The following GALNTL6 variants were observed in gnomAD, a reference collection of about 807,000 sequenced individuals.
The protein encoded by GALNTL6 is polypeptide N-acetylgalactosaminyltransferase like 6.
In GALNTL6, 46 loss-of-function variants were observed where a neutral mutation model predicts 73.7. That is an observed-to-expected ratio of 0.62 (90% CI 0.49 to 0.80). The LOEUF (loss-of-function observed/expected upper bound fraction) is 0.80, where lower values mean the gene tolerates loss of function less well. Among genes scored for constraint, GALNTL6 ranks in the 30% least tolerant of loss-of-function variants. The pLI is 0.00. For synonymous variants in GALNTL6, 259 were observed against 263.7 expected, an observed-to-expected ratio of 0.98 and a Z score of 0.17; for missense variants, 604 against 755.0, an observed-to-expected ratio of 0.80 and a Z score of 2.34.
intron 5 of GALNTL6, among the ~76,000 whole-genome samples, chr4:172,545,477 G>A (rs527639530): frequency 3.9e-5 from 6 of 152,132 alleles, no homozygotes; most frequent in African/African-American, 9.7e-5. Flanking sequence ...ATTAACCACC[G>A]TGGTTCTGTT....
chr4:172,285,778 A>G (rs1187860016), intron 3 of GALNTL6, among the ~76,000 whole-genome samples: 2 of 152,056 alleles, frequency 1.3e-5, no homozygotes, highest in African/African-American at 2.4e-5. Context: ...TCCATCTGTG[A>G]TTGTAGACAC....
intron 2 of GALNTL6, among the ~76,000 whole-genome samples, chr4:172,147,877 C>T (rs1043823384): frequency 6.6e-6 from 1 of 152,120 alleles, no homozygotes; most frequent in Non-Finnish European, 1.5e-5. Flanking sequence ...AGCAATTTTA[C>T]TCCATGCTTC....
chr4:171,934,749 T>C (rs1318229904), intron 2 of GALNTL6, among the ~76,000 whole-genome samples: 4 of 152,170 alleles, frequency 2.6e-5, no homozygotes, highest in African/African-American at 7.2e-5. Context: ...ACTAACGAAG[T>C]GGTTCATTTG....
intron 5 of GALNTL6, among the ~76,000 whole-genome samples, chr4:172,621,914 T>C (rs939083002): frequency 2.0e-5 from 3 of 152,154 alleles, no homozygotes; most frequent in African/African-American, 7.2e-5. Flanking sequence ...CAAGGTTTGC[T>C]TGGATGTGTG....
At chr4:172,170,406 A>G (rs1189997648) in intron 2 of GALNTL6, among the ~76,000 whole-genome samples, 3 of 151,582 alleles carry the variant, frequency 2.0e-5, no homozygotes, top group South Asian at 2.1e-4. Flanking sequence ...ACCTTTCGCC[A>G]TGATTGTAAG....
At position 172,042,864 on chromosome 4, in the gene GALNTL6, T is replaced by TAAAAAAA. The variant is rs397996272; in HGVS notation, c.139-186771_139-186765dup. ...GTTCTATCCGAGCAATCTTTAACAG[T>TAAAAAAA]AAAAAAAAAAAAAAAAAAAAAAAAA... On this transcript the variant is annotated intron_variant, in intron 2 of 12. Coordinates refer to ENST00000506823, the MANE Select transcript of GALNTL6 (RefSeq NM_001034845.3). 1.8e-3 allele frequency among the ~76,000 whole-genome samples: 80 copies of TAAAAAAA among 44,402 alleles called. 8 individuals are homozygous for TAAAAAAA. The highest frequency in any genetic ancestry group is 7.9e-3 in the South Asian group (4 of 508). The allele number at this position is 44,402 out of a possible 152,430, so 29.1% of individuals were successfully genotyped here.
intron 2 of GALNTL6, among the ~76,000 whole-genome samples, chr4:172,159,217 A>G (rs1411325453): frequency 6.6e-6 from 1 of 152,108 alleles, no homozygotes; most frequent in East Asian, 1.9e-4. Flanking sequence ...ACCCTCTTGA[A>G]GAGATACTCT....
chr4:172,109,988 G>A (rs1226506436), intron 2 of GALNTL6, among the ~76,000 whole-genome samples: 2 of 152,186 alleles, frequency 1.3e-5, no homozygotes, highest in African/African-American at 4.8e-5. Flanking sequence ...CAAATAAAGA[G>A]AATGATGAAA....
intron 2 of GALNTL6, among the ~76,000 whole-genome samples, chr4:172,029,433 C>T (rs1216601982): frequency 2.0e-5 from 3 of 152,138 alleles, no homozygotes; most frequent in Middle Eastern, 3.4e-3. Context: ...ATGTGGCTGA[C>T]ACTATCGAAT....
At chr4:172,736,520 C>A (rs1736471241) in intron 5 of GALNTL6, among the ~76,000 whole-genome samples, 1 of 152,132 alleles carries the variant, frequency 6.6e-6, no homozygotes, top group Non-Finnish European at 1.5e-5. Context: ...GCTTTACAAA[C>A]AATTTGTGCA....
At chr4:171,867,326 A>G (rs1028030621) in intron 2 of GALNTL6, among the ~76,000 whole-genome samples, 1 of 152,166 alleles carries the variant, frequency 6.6e-6, no homozygotes, top group Non-Finnish European at 1.5e-5. Flanking sequence ...TGTATAATAA[A>G]TGTATTAAAA....
In GALNTL6 at chr4:172,631,726, C is replaced by T. The variant is rs140373302; in HGVS notation, c.554-177635C>T. On this transcript the variant is annotated intron_variant, in intron 5 of 12. Coordinates refer to ENST00000506823, the MANE Select transcript of GALNTL6 (RefSeq NM_001034845.3). ...GATTTGCTTTCAAGATTCCCTCCAG[C>T]GGGTTCTGTTTTTGTTGTTTTGCCA... 9.3e-4 allele frequency among the ~76,000 whole-genome samples: 142 copies of T among 152,206 alleles called. 1 individual carries two copies. The highest frequency in any genetic ancestry group is 3.1e-3 in the African/African-American group (128 of 41,540).
Position 172,758,261 on chromosome 4 carries a change from G to A in GALNTL6, c.554-51100G>A, listed in dbSNP as rs538834170. 2.6e-5 allele frequency among the ~76,000 whole-genome samples: 4 copies of A among 152,288 alleles called. No homozygotes were observed. The South Asian group carries it at 8.3e-4, about 32-fold the overall frequency. On this transcript the variant is annotated intron_variant, in intron 5 of 12. Transcript: ENST00000506823. ...ATAGTAATTTTCATTCAGGCCAGGT[G>A]CGGTGGCTCATGCCCATAATCCCAG...
chr4:172,079,031 G>T (rs1373381385), intron 2 of GALNTL6, among the ~76,000 whole-genome samples: 1 of 151,880 alleles, frequency 6.6e-6, no homozygotes, highest in African/African-American at 2.4e-5. Flanking sequence ...ATGCACACAT[G>T]TATGCATGCA....
At position 172,069,651 on chromosome 4, in the gene GALNTL6, A is replaced by AT. The variant is rs1731496344; in HGVS notation, c.139-160005_139-160004insT. Among the ~76,000 whole-genome samples, 6 of 94,550 alleles carry AT rather than the reference A, an allele frequency of 6.3e-5. 3 individuals carry two copies. Among genetic ancestry groups the AT allele is most frequent in the African/African-American group, 9.1e-5 (2 of 21,934 alleles). The allele number at this position is 94,550 out of a possible 152,430, so 62.0% of individuals were successfully genotyped here. A position where few individuals can be genotyped will look rare whatever the true frequency, so the allele number is the denominator to read the frequency against. Reference sequence around the variant, plus strand: ...ATATATCCTAAATTTCCTCATACATAGTATCTGACAACATATGTGTAATTT... The same window carrying AT: ...ATATATCCTAAATTTCCTCATACATATGTATCTGACAACATATGTGTAATTT... On this transcript the variant is annotated intron_variant, in intron 2 of 12. Transcript: ENST00000506823.
At chr4:172,831,074 C>T (rs1742602204) in intron 7 of GALNTL6, among the ~76,000 whole-genome samples, 1 of 128,420 alleles carries the variant, frequency 7.8e-6, no homozygotes, top group South Asian at 2.5e-4. Context: ...CAAGAGAAAG[C>T]TTGAACCCAG....
At chr4:172,049,395 C>T (rs1376829940) in intron 2 of GALNTL6, among the ~76,000 whole-genome samples, 1 of 152,142 alleles carries the variant, frequency 6.6e-6, no homozygotes, top group Non-Finnish European at 1.5e-5. Context: ...CTCCTGCCCA[C>T]ATGCCATTAG....
rs529485815 is a variant in GALNTL6, at chr4:172,893,346, G to T, written c.1041+10439G>T. The stretch of plus-strand genomic sequence containing the variant: ...CTCTTCTAAGTGTTCTGAGAGTGGC[G>T]GGGGGGGGGTCTTCCCCTTCTCAAA... On this transcript the variant is annotated intron_variant, in intron 8 of 12. Coordinates refer to ENST00000506823, the MANE Select transcript of GALNTL6 (RefSeq NM_001034845.3). Among the ~76,000 whole-genome samples, 355 of 98,136 alleles carry T rather than the reference G, an allele frequency of 3.6e-3. 3 individuals carry two copies. The highest frequency in any genetic ancestry group is 0.014 in the African/African-American group (337 of 24,806). The allele number at this position is 98,136 out of a possible 152,430, so 64.4% of individuals were successfully genotyped here. A position where few individuals can be genotyped will look rare whatever the true frequency, so the allele number is the denominator to read the frequency against.
At chr4:172,674,270 T>C (rs561348225) in intron 5 of GALNTL6, among the ~76,000 whole-genome samples, 8 of 152,294 alleles carry the variant, frequency 5.3e-5, no homozygotes, top group African/African-American at 1.4e-4. Context: ...TTCTTTTTCT[T>C]AAGAATGTAA....
Sources: allele counts gnomAD v4.1 joint callset (sites outside exome capture counted in the v4.1 genomes callset), GRCh38; gene constraint gnomAD v4.1.1; transcripts MANE v1.5; gene names NCBI Gene and HGNC (gene_info 2026-07-23, HGNC 2026-07-21).